The following XYLT1 variants were observed in gnomAD, a reference collection of about 807,000 sequenced individuals.
XYLT1 encodes beta-D-xylosyltransferase 1.
XYLT1 carries 36 observed loss-of-function variants against 91.3 expected under a neutral mutation model. The ratio of observed to expected loss-of-function variants is 0.39; its 90% CI spans 0.30 to 0.52. The LOEUF (loss-of-function observed/expected upper bound fraction) is 0.52, where lower values mean the gene tolerates loss of function less well. Ranked by LOEUF, XYLT1 falls within the 20% of genes least tolerant of loss-of-function variation. XYLT1 has a pLI of 0.68. For missense variants in XYLT1, 1,242 were observed against 1,284.5 expected, an observed-to-expected ratio of 0.97 and a Z score of 0.51; for synonymous variants, 588 against 532.0, an observed-to-expected ratio of 1.11 and a Z score of -1.45.
intron 5 of XYLT1, among the ~76,000 whole-genome samples, chr16:17,170,224 C>T (rs1002241264): frequency 6.6e-6 from 1 of 152,190 alleles, no homozygotes; most frequent in African/African-American, 2.4e-5. Flanking sequence ...AAGGCATGTC[C>T]ACCCCTTGCT....
intron 1 of XYLT1, among the ~76,000 whole-genome samples, chr16:17,374,822 AT>A (rs531008347): frequency 6.6e-6 from 1 of 152,128 alleles, no homozygotes; most frequent in Non-Finnish European, 1.5e-5. Flanking sequence ...CAGCTAAAAC[AT>A]CCCCCCACCA....
intron 6 of XYLT1, among the ~76,000 whole-genome samples, chr16:17,148,886 C>T (rs1174807165): frequency 6.6e-6 from 1 of 152,200 alleles, no homozygotes; most frequent in Admixed American, 6.5e-5. Flanking sequence ...AATCTTTCTG[C>T]CAGACCTCTG....
intron 1 of XYLT1, among the ~76,000 whole-genome samples, chr16:17,448,068 T>C (rs1034097670): frequency 6.6e-6 from 1 of 152,188 alleles, no homozygotes; most frequent in Non-Finnish European, 1.5e-5. Flanking sequence ...TTACTAAATA[T>C]TAAAAATGTG....
At chr16:17,132,786 T>C (rs1029452645) in intron 9 of XYLT1, among the ~76,000 whole-genome samples, 36 of 152,004 alleles carry the variant, frequency 2.4e-4, no homozygotes, top group Non-Finnish European at 3.5e-4. Flanking sequence ...GCCTATAGTC[T>C]CAGCTACTCA....
intron 6 of XYLT1, among the ~76,000 whole-genome samples, chr16:17,151,636 A>G (rs1398663800): frequency 1.3e-5 from 2 of 152,164 alleles, no homozygotes; most frequent in African/African-American, 4.8e-5. Context: ...TGTACCAGTT[A>G]TTATTGCTGC....
chr16:17,136,227 G>A (rs1410740787), intron 8 of XYLT1, among the ~76,000 whole-genome samples: 5 of 152,154 alleles, frequency 3.3e-5, no homozygotes, highest in African/African-American at 7.2e-5. Flanking sequence ...GAGGCAAAGC[G>A]ATATGTACAG....
chr16:17,270,263 A>G (rs1364383469), intron 2 of XYLT1, among the ~76,000 whole-genome samples: 1 of 152,218 alleles, frequency 6.6e-6, no homozygotes, highest in Non-Finnish European at 1.5e-5. Context: ...TGTTTGACGC[A>G]GCCCAAGGCC....
intron 2 of XYLT1, among the ~76,000 whole-genome samples, chr16:17,336,498 C>T (rs778057346): frequency 3.9e-5 from 6 of 152,094 alleles, no homozygotes; most frequent in South Asian, 2.1e-4. Context: ...TCTGGGGCCC[C>T]GTCCTTCACT....
At chr16:17,402,447 T>G (rs1025646074) in intron 1 of XYLT1, among the ~76,000 whole-genome samples, 6 of 152,114 alleles carry the variant, frequency 3.9e-5, no homozygotes, top group Non-Finnish European at 8.8e-5. Flanking sequence ...TGCAGTTGGG[T>G]TGGAATGGTG....
At chr16:17,322,004 A>G (rs1194652118) in intron 2 of XYLT1, among the ~76,000 whole-genome samples, 2 of 152,170 alleles carry the variant, frequency 1.3e-5, no homozygotes, top group African/African-American at 4.8e-5. Context: ...AACACCAAAC[A>G]CATACCAAGC....
At chr16:17,220,201 T>A (rs1278708349) in intron 3 of XYLT1, among the ~76,000 whole-genome samples, 1 of 152,192 alleles carries the variant, frequency 6.6e-6, no homozygotes, top group Non-Finnish European at 1.5e-5. Flanking sequence ...AATGTTAATT[T>A]CATGGGTGTA....
intron 10 of XYLT1, 98 bp downstream of exon 10, chr16:17,127,568 T>G (rs2030303567): frequency 2.1e-6 from 3 of 1,417,824 alleles, no homozygotes; most frequent in Non-Finnish European, 2.9e-6. Context: ...CAAGTCCTCT[T>G]CTCCTCCATC....
At chr16:17,252,891 T>C (rs1236558598) in intron 3 of XYLT1, among the ~76,000 whole-genome samples, 3 of 152,224 alleles carry the variant, frequency 2.0e-5, no homozygotes, top group African/African-American at 4.8e-5. Context: ...TTAGGTGATG[T>C]TGCGTAAAGC....
chr16:17,175,317 T>C (rs1567308368), intron 5 of XYLT1, among the ~76,000 whole-genome samples: 1 of 152,126 alleles, frequency 6.6e-6, no homozygotes, highest in Admixed American at 6.5e-5. Context: ...CTAATAATCA[T>C]GATGATCATA....
chr16:17,462,273 T>C (rs1284292300), intron 1 of XYLT1, among the ~76,000 whole-genome samples: 3 of 152,108 alleles, frequency 2.0e-5, no homozygotes, highest in Admixed American at 6.5e-5. Context: ...CCCTGAAAGA[T>C]GAGACACCCT....
In XYLT1 at chr16:17,176,371, TA is replaced by T. The variant is rs374455766; in HGVS notation, c.1290-17463del. Among the ~76,000 whole-genome samples, 390 of 152,310 alleles carry T rather than the reference TA, an allele frequency of 2.6e-3. 2 individuals carry two copies. Among genetic ancestry groups the T allele is most frequent in the African/African-American group, 9.1e-3 (378 of 41,568 alleles). ...ACATTTCACAGCTTCATCCTTACAG[TA>T]AAGGCTGAGGCAGGTAACTGATGGT... is the stretch of plus-strand genomic sequence containing the variant. On this transcript the variant is annotated intron_variant, in intron 5 of 11. Coordinates refer to ENST00000261381, the MANE Select transcript of XYLT1 (RefSeq NM_022166.4).
intron 2 of XYLT1, among the ~76,000 whole-genome samples, chr16:17,297,522 G>A (rs559086966): frequency 1.3e-5 from 2 of 151,932 alleles, no homozygotes; most frequent in African/African-American, 2.4e-5. Flanking sequence ...AGACCAGCCT[G>A]GAGAACAAGT....
chr16:17,443,834 G>C (rs1165544792), intron 1 of XYLT1, among the ~76,000 whole-genome samples: 1 of 152,148 alleles, frequency 6.6e-6, no homozygotes, highest in Non-Finnish European at 1.5e-5. Flanking sequence ...CTAGACTAGA[G>C]GGTTTTCTTT....
intron 6 of XYLT1, among the ~76,000 whole-genome samples, chr16:17,158,470 C>A (rs2031468155): frequency 6.6e-6 from 1 of 152,202 alleles, no homozygotes; most frequent in Non-Finnish European, 1.5e-5. Flanking sequence ...ACTGAATGAA[C>A]GATCTGGGGA....
Sources: gnomAD v4.1 joint callset for allele counts (sites outside exome capture counted in the v4.1 genomes callset) on GRCh38, gnomAD v4.1.1 for gene constraint, MANE v1.5 for transcripts, NCBI Gene and HGNC (gene_info 2026-07-23, HGNC 2026-07-21) for gene names.